The following ECPAS variants were observed in gnomAD, a reference collection of about 807,000 sequenced individuals.
The protein encoded by ECPAS is Ecm29 proteasome adaptor and scaffold, also known as proteasome adapter and scaffold protein ECM29.
In ECPAS, 70 loss-of-function variants were observed where a neutral mutation model predicts 255.1. The ratio of observed to expected loss-of-function variants is 0.27; its 90% CI spans 0.23 to 0.33. The LOEUF (loss-of-function observed/expected upper bound fraction) is 0.33, where lower values mean the gene tolerates loss of function less well. Among genes scored for constraint, ECPAS ranks in the 10% least tolerant of loss-of-function variants. The probability of loss-of-function intolerance (pLI) is 1.00; values close to 1 mark genes in which losing one functional copy is unlikely to be tolerated. For missense variants in ECPAS, 1,817 were observed against 2,206.4 expected, an observed-to-expected ratio of 0.82 and a Z score of 3.54; for synonymous variants, 784 against 775.0, an observed-to-expected ratio of 1.01 and a Z score of -0.19.
intron 7 of ECPAS, 96 bp downstream of exon 7, chr9:111,436,844 C>G: frequency 9.4e-7 from 1 of 1,058,322 alleles, no homozygotes; most frequent in Non-Finnish European, 1.3e-6. Flanking sequence ...ACTGGAGAGC[C>G]TGAATATACT....
At chr9:111,452,294 T>A (rs577182160) in intron 2 of ECPAS, among the ~76,000 whole-genome samples, 1 of 152,332 alleles carries the variant, frequency 6.6e-6, no homozygotes, top group Admixed American at 6.5e-5. Flanking sequence ...AAAACTGTCA[T>A]GGGAATTAGG....
At chr9:111,481,640 C>T (rs1037287224) in intron 1 of ECPAS, among the ~76,000 whole-genome samples, 4 of 152,218 alleles carry the variant, frequency 2.6e-5, no homozygotes, top group African/African-American at 7.2e-5. Context: ...AAAGGGGTAT[C>T]TGTACACCCA....
At chr9:111,475,178 C>G (rs1158603687) in intron 1 of ECPAS, among the ~76,000 whole-genome samples, 1 of 152,162 alleles carries the variant, frequency 6.6e-6, no homozygotes, top group African/African-American at 2.4e-5. Context: ...GAGGACAGCA[C>G]CATACATTAT....
In ECPAS at chr9:111,376,509, G is replaced by A. The variant is rs2098133501; in HGVS notation, c.3987C>T (p.Ala1329=). 1 of 1,600,686 alleles carries A rather than the reference G, an allele frequency of 6.2e-7. No homozygotes were observed. The highest frequency in any genetic ancestry group is 2.3e-5 in the East Asian group (1 of 44,436). The part of the protein sequence containing the change: ...AAMDSARLSA[A]KSSPMMETIN... ...TTGTTTCCATCATTGGAGAAGATTT[G>A]GCAGCACTAAGCCGAGCACTATCCA... Residue 1329 remains alanine (A), a synonymous_variant, in exon 37 of 50, where the codon GCC becomes GCT. Coordinates refer to ENST00000684092, the MANE Select transcript of ECPAS (RefSeq NM_001364929.1).
chr9:111,369,047 C>G lies in ECPAS; in HGVS notation c.5101G>C (p.Ala1701Pro). 1 of 1,586,344 alleles carries G rather than the reference C, an allele frequency of 6.3e-7. No homozygotes were observed. Among genetic ancestry groups the G allele is most frequent in the East Asian group, 2.3e-5 (1 of 43,790 alleles). ...ESLGKAWPRN[A>P]ETQRCYRQEL... ...TTCTGGTGCTTACGTTGGGTCTCCG[C>G]GTTTCGCGGCCAGGCTTTGCCCAGG... The change falls in exon 46 of 50, where the codon GCG (alanine) becomes CCG (proline). Residue 1701 changes from alanine to proline, a missense_variant. Physicochemically the swap from Ala to Pro is conservative, Grantham distance 27. Coordinates refer to ENST00000684092, the MANE Select transcript of ECPAS (RefSeq NM_001364929.1).
At chr9:111,478,355 C>T (rs1052470580) in intron 1 of ECPAS, among the ~76,000 whole-genome samples, 16 of 151,788 alleles carry the variant, frequency 1.1e-4, no homozygotes, top group Non-Finnish European at 2.9e-5. Context: ...GGTGAAACCC[C>T]GTCTCTACTA....
intron 46 of ECPAS, 80 bp from the exon 47 acceptor site, chr9:111,366,707 A>G: frequency 2.4e-6 from 2 of 844,120 alleles, no homozygotes; most frequent in South Asian, 2.9e-5. Flanking sequence ...GGACAGGCAG[A>G]GAGAGCAAGA....
chr9:111,422,157 G>T lies in ECPAS; in HGVS notation c.1309C>A (p.Gln437Lys). Residue 437 changes from glutamine (Q) to lysine (K), a missense_variant, in exon 14 of 50, where the codon CAG becomes AAG. By Grantham distance (53) the Gln-to-Lys change is moderately conservative. Coordinates refer to ENST00000684092, the MANE Select transcript of ECPAS (RefSeq NM_001364929.1). ...LFTKDIALVQ[Q>K]LFEALCKEEP... ...ACCTTGCAAAGGGCTTCAAAAAGCT[G>T]CTGCACAAGCGCTATATCCTTAGTG... The T allele has an allele frequency of 6.2e-7, 1 of 1,613,832 alleles. No individual in the cohort carries two copies. Among genetic ancestry groups the T allele is most frequent in the Non-Finnish European group, 8.5e-7 (1 of 1,179,786 alleles).
At chr9:111,463,397 G>A (rs149192747) in intron 2 of ECPAS, among the ~76,000 whole-genome samples, 1,557 of 152,266 alleles carry the variant, frequency 0.01, 9 homozygotes, top group Admixed American at 0.015. Flanking sequence ...ACTCAATATT[G>A]CAAAGATGGG....
intron 22 of ECPAS, 134 bp from the exon 23 acceptor site, chr9:111,410,347 T>C: frequency 1.6e-6 from 1 of 641,360 alleles, no homozygotes; most frequent in South Asian, 2.9e-5. Context: ...TAGTTGACAA[T>C]TTGCCAACAT....
In ECPAS at chr9:111,437,024, G is replaced by T; in HGVS notation, c.624C>A (p.Ile208=). The change falls in exon 7 of 50, where the codon ATC becomes ATA. Residue 208 remains isoleucine (I), a synonymous_variant. Transcript: ENST00000684092. ...AGCTCATTCCCGGAGGAGGCTGTGG[G>T]ATTCCAGAACCTCCGCCACTGTTTG... The part of the protein sequence containing the change: ...SSSNSGGGSG[I]PQPPPGMSFY... 1 of 1,613,174 alleles carries T rather than the reference G, an allele frequency of 6.2e-7. No individual in the cohort carries two copies. Among genetic ancestry groups the T allele is most frequent in the South Asian group, 1.1e-5 (1 of 90,922 alleles).
chr9:111,455,206 C>T (rs1232512813), intron 2 of ECPAS, among the ~76,000 whole-genome samples: 1 of 152,164 alleles, frequency 6.6e-6, no homozygotes, highest in Admixed American at 6.5e-5. Flanking sequence ...TTGCTTTCGG[C>T]CTGGCACATG....
At chr9:111,412,242 T>C (rs1589161225) in intron 20 of ECPAS, 94 bp from the exon 21 acceptor site, 1 of 1,030,322 alleles carries the variant, frequency 9.7e-7, no homozygotes, top group Admixed American at 3.9e-5. Context: ...GTTCAATCTG[T>C]TGATGGATAT....
intron 35 of ECPAS, among the ~76,000 whole-genome samples, chr9:111,379,515 G>C (rs116031446): frequency 5.4e-4 from 83 of 152,344 alleles, no homozygotes; most frequent in African/African-American, 1.9e-3. Flanking sequence ...GGTGTTTGCT[G>C]AATGCTGGCG....
At chr9:111,401,123 A>T (rs1348154854) in intron 24 of ECPAS, among the ~76,000 whole-genome samples, 12 of 152,174 alleles carry the variant, frequency 7.9e-5, no homozygotes, top group Admixed American at 7.9e-4. Context: ...TAAAAGTAAG[A>T]AAGAAAGAAA....
intron 1 of ECPAS, 55 bp downstream of exon 1, chr9:111,484,061 C>G (rs762182213): frequency 1.9e-5 from 21 of 1,131,600 alleles, no homozygotes; most frequent in Non-Finnish European, 2.3e-5. Flanking sequence ...CCGGCCTAAC[C>G]GCGCCGCCGC....
At position 111,442,467 on chromosome 9, in the gene ECPAS, T is replaced by C. The variant is rs776085887; in HGVS notation, c.271-43A>G. 1.2e-5 allele frequency: 13 copies of C among 1,107,750 alleles called. No homozygotes were observed. In the South Asian group the frequency reaches 1.5e-4, roughly 13 times the overall value. The allele number at this position is 1,107,750 out of a possible 1,614,324, so 68.6% of individuals were successfully genotyped here. ...AAGCAAGTGAGTGTGAAGGAAATAC[T>C]CTATGATTTCAATGAAAATATATGA... On this transcript the variant is annotated intron_variant, in intron 4 of 49. Transcript: ENST00000684092.
At chr9:111,368,498 G>A (rs1027296168) in intron 46 of ECPAS, among the ~76,000 whole-genome samples, 3 of 152,132 alleles carry the variant, frequency 2.0e-5, no homozygotes, top group Non-Finnish European at 4.4e-5. Context: ...AGGTGGAACT[G>A]TGCCCCCAAA....
At chr9:111,376,329 G>A (rs1466837018) in intron 37 of ECPAS, 147 bp downstream of exon 37, 3 of 618,368 alleles carry the variant, frequency 4.9e-6, no homozygotes, top group South Asian at 2.0e-5. Context: ...GAAGAAAAGA[G>A]AAATATACTA....
Sources: gnomAD v4.1 joint callset for allele counts (sites outside exome capture counted in the v4.1 genomes callset) on GRCh38, gnomAD v4.1.1 for gene constraint, MANE v1.5 for transcripts, NCBI Gene and HGNC (gene_info 2026-07-23, HGNC 2026-07-21) for gene names.